INPP4B: variants seen among roughly 807,000 people sequenced by gnomAD.
INPP4B encodes inositol polyphosphate 4-phosphatase type II.
In INPP4B, 55 loss-of-function variants were observed where a neutral mutation model predicts 122.5. The ratio of observed to expected loss-of-function variants is 0.45; its 90% CI spans 0.36 to 0.56. The LOEUF (loss-of-function observed/expected upper bound fraction) is 0.56, where lower values mean the gene tolerates loss of function less well. Among genes scored for constraint, INPP4B ranks in the 20% least tolerant of loss-of-function variants. The pLI, the probability that INPP4B is intolerant of heterozygous loss-of-function variation, is 0.00. For missense variants in INPP4B, 1,000 were observed against 1,097.7 expected, an observed-to-expected ratio of 0.91 and a Z score of 1.26; for synonymous variants, 403 against 388.7, an observed-to-expected ratio of 1.04 and a Z score of -0.43.
At chr4:142,513,743 C>T (rs554432325) in intron 2 of INPP4B, among the ~76,000 whole-genome samples, 1 of 152,224 alleles carries the variant, frequency 6.6e-6, no homozygotes, top group African/African-American at 2.4e-5. Context: ...TAATCCGATC[C>T]AGGAGGGCTT....
chr4:142,043,859 T>C (rs900046550), intron 25 of INPP4B, among the ~76,000 whole-genome samples: 1 of 152,096 alleles, frequency 6.6e-6, no homozygotes, highest in African/African-American at 2.4e-5. Flanking sequence ...TGTTGTAGGA[T>C]GGCACCTAGC....
chr4:142,096,757 C>T (rs1212441870), intron 23 of INPP4B, among the ~76,000 whole-genome samples: 2 of 151,892 alleles, frequency 1.3e-5, no homozygotes, highest in Non-Finnish European at 2.9e-5. Context: ...AATATATGAA[C>T]AGAAAATAAA....
intron 12 of INPP4B, among the ~76,000 whole-genome samples, chr4:142,218,090 C>T (rs1346698578): frequency 6.6e-6 from 1 of 151,952 alleles, no homozygotes; most frequent in Non-Finnish European, 1.5e-5. Context: ...GGAACCCTGA[C>T]CCATACACTA....
intron 7 of INPP4B, among the ~76,000 whole-genome samples, chr4:142,338,508 G>A (rs1294249668): frequency 6.6e-6 from 1 of 152,172 alleles, no homozygotes; most frequent in Non-Finnish European, 1.5e-5. Context: ...AAAGTGCTGG[G>A]ATTACAGGCG....
intron 2 of INPP4B, among the ~76,000 whole-genome samples, chr4:142,636,593 C>T (rs978632522): frequency 6.6e-6 from 1 of 151,880 alleles, no homozygotes; most frequent in Non-Finnish European, 1.5e-5. Context: ...TATTAGTGGA[C>T]TTATAAAATA....
intron 2 of INPP4B, among the ~76,000 whole-genome samples, chr4:142,533,150 A>G (rs1827816627): frequency 6.6e-6 from 1 of 152,192 alleles, no homozygotes; most frequent in Admixed American, 6.5e-5. Flanking sequence ...TCGGAGGTCA[A>G]AATTCAAAAT....
At chr4:142,786,165 G>A (rs915261842) in intron 1 of INPP4B, among the ~76,000 whole-genome samples, 2 of 151,948 alleles carry the variant, frequency 1.3e-5, no homozygotes, top group Admixed American at 1.3e-4. Flanking sequence ...AAGGAACCTG[G>A]GCTCTTTGGA....
At chr4:142,084,766 A>G (rs1370481373) in intron 24 of INPP4B, among the ~76,000 whole-genome samples, 1 of 152,194 alleles carries the variant, frequency 6.6e-6, no homozygotes. Flanking sequence ...GGGAAATTGC[A>G]TATACTAAAA....
chr4:142,053,282 T>C (rs1755641379), intron 25 of INPP4B, among the ~76,000 whole-genome samples: 1 of 152,038 alleles, frequency 6.6e-6, no homozygotes, highest in Non-Finnish European at 1.5e-5. Flanking sequence ...AAGCAGCTGG[T>C]ACACAGATCA....
intron 7 of INPP4B, among the ~76,000 whole-genome samples, chr4:142,365,595 A>G (rs1190929130): frequency 2.0e-5 from 3 of 152,148 alleles, no homozygotes; most frequent in Non-Finnish European, 4.4e-5. Flanking sequence ...TATTTCAGAC[A>G]TGTGGCTACA....
intron 1 of INPP4B, among the ~76,000 whole-genome samples, chr4:142,784,800 C>A (rs1026170872): frequency 6.6e-6 from 1 of 152,058 alleles, no homozygotes; most frequent in African/African-American, 2.4e-5. Flanking sequence ...CATAGCATTC[C>A]TCATACCAAA....
At chr4:142,203,057 C>T (rs539643425) in intron 14 of INPP4B, among the ~76,000 whole-genome samples, 7 of 152,212 alleles carry the variant, frequency 4.6e-5, no homozygotes, top group African/African-American at 1.4e-4. Flanking sequence ...AGAGAATCCA[C>T]GAGTGAAACT....
At chr4:142,080,178 A>G (rs1773151915) in intron 25 of INPP4B, among the ~76,000 whole-genome samples, 2 of 152,106 alleles carry the variant, frequency 1.3e-5, no homozygotes, top group African/African-American at 4.8e-5. Context: ...TAACTTGCCT[A>G]TGGGTAATGT....
At chr4:142,102,233 C>T (rs2201696) in intron 23 of INPP4B, among the ~76,000 whole-genome samples, 51,734 of 151,720 alleles carry the variant, frequency 0.34, 8,986 homozygotes, top group African/African-American at 0.41. Context: ...AATATAAGTT[C>T]AAAGGACACA....
At chr4:142,115,636 T>G (rs1335672249) in intron 21 of INPP4B, among the ~76,000 whole-genome samples, 1 of 152,150 alleles carries the variant, frequency 6.6e-6, no homozygotes, top group Non-Finnish European at 1.5e-5. Flanking sequence ...CCACCAGGCC[T>G]GCCTTACAAG....
chr4:142,312,029 G>T (rs1325681082), intron 8 of INPP4B, among the ~76,000 whole-genome samples: 3 of 152,152 alleles, frequency 2.0e-5, no homozygotes, highest in African/African-American at 7.2e-5. Flanking sequence ...AAGCCAGTTT[G>T]TCACGTTACT....
At chr4:142,546,153 A>T (rs568702893) in intron 2 of INPP4B, among the ~76,000 whole-genome samples, 1 of 152,010 alleles carries the variant, frequency 6.6e-6, no homozygotes, top group South Asian at 2.1e-4. Context: ...TGTTCTCATC[A>T]TTTAGTTCCC....
chr4:142,065,382 T>C (rs1465791775), intron 25 of INPP4B, among the ~76,000 whole-genome samples: 1 of 152,134 alleles, frequency 6.6e-6, no homozygotes, highest in African/African-American at 2.4e-5. Context: ...AAAGCCCACA[T>C]GTACAAATAC....
rs752386799 is a variant in INPP4B, at chr4:142,270,754, A to G, written c.524T>C (p.Val175Ala). ...LSLRTSDGGK[V>A]VGTIEVSVVK... is the part of the protein sequence containing the mutation. ...GACACTGACTTCTATGGTGCCAACC[A>G]CTTTGCCACCATCTGAAGTTCTGCA... The change falls in exon 10 of 26, where the codon GTG becomes GCG. Residue 175 changes from valine to alanine, a missense_variant. Coordinates refer to ENST00000262992, the MANE Select transcript of INPP4B (RefSeq NM_001101669.3). The G allele has an allele frequency of 1.7e-5, 27 of 1,613,362 alleles. 1 individual carries two copies. The South Asian group carries it at 3.0e-4, about 18-fold the overall frequency.
Sources: gnomAD v4.1 joint callset for allele counts (sites outside exome capture counted in the v4.1 genomes callset) on GRCh38, gnomAD v4.1.1 for gene constraint, MANE v1.5 for transcripts, NCBI Gene and HGNC (gene_info 2026-07-23, HGNC 2026-07-21) for gene names.